Variants in NHEJ1 observed in about 807,000 individuals in gnomAD.
NHEJ1 encodes non-homologous end-joining factor 1.
Under a neutral mutation model 39.4 loss-of-function variants are expected in NHEJ1, and 22 were observed. That is an observed-to-expected ratio of 0.56 (90% CI 0.40 to 0.80). NHEJ1 has a LOEUF of 0.80. NHEJ1 is among the 30% of genes least tolerant of loss of function. The pLI, the probability that NHEJ1 is intolerant of heterozygous loss-of-function variation, is 0.00. For synonymous variants in NHEJ1, 154 were observed against 135.6 expected (o/e 1.14, Z -0.94); for missense variants, 329 against 357.1 (o/e 0.92, Z 0.63).
rs114020286 is a variant in NHEJ1, at chr2:219,147,581, G to T, written c.529+76C>A. The T allele has an allele frequency of 5.9e-5, 94 of 1,583,928 alleles. No individual in the cohort carries two copies. In the African/African-American group the frequency reaches 1.2e-3, roughly 20 times the overall value. ...GGGGAGGCACTTCTCTAATGCAAAT[G>T]AGTCTCCCTCTTTGCTAAGACCCTT... is the stretch of plus-strand genomic sequence containing the variant. On this transcript the variant is annotated intron_variant, in intron 4 of 7. Coordinates refer to ENST00000356853, the MANE Select transcript of NHEJ1 (RefSeq NM_024782.3).
chr2:219,151,199 T>A (rs1949792057), intron 3 of NHEJ1, among the ~76,000 whole-genome samples: 1 of 151,796 alleles, frequency 6.6e-6, no homozygotes, highest in Non-Finnish European at 1.5e-5. Flanking sequence ...CAAATACTTG[T>A]ATAAATGACA....
Position 219,071,956 on chromosome 2 carries a change from T to C in NHEJ1, c.*4425A>G, listed in dbSNP as rs1481063265. ...TTGGGTGCTACCTAATGACTTCCTA[T>C]GTGCTAGGATAGAGAACTGAGAGCC... On this transcript the variant is annotated 3_prime_UTR_variant, in exon 8 of 8. Coordinates refer to ENST00000356853, the MANE Select transcript of NHEJ1 (RefSeq NM_024782.3). Among the ~76,000 whole-genome samples the C allele has an allele frequency of 6.6e-6, 1 of 152,140 alleles. No individual in the cohort carries two copies. The highest frequency in any genetic ancestry group is 2.4e-5 in the African/African-American group (1 of 41,414).
intron 5 of NHEJ1, among the ~76,000 whole-genome samples, chr2:219,146,015 G>A (rs1451145235): frequency 6.6e-6 from 1 of 152,128 alleles, no homozygotes; most frequent in Admixed American, 6.5e-5. Context: ...ACAGAAGAGG[G>A]AGGGAAGGAG....
chr2:219,131,688 A>G lies in NHEJ1; in HGVS notation c.588+14992T>C, dbSNP rs76340778. The stretch of plus-strand genomic sequence containing the variant: ...CCTCTGTTAGTACATTTCCTCACAC[A>G]TCATTAATTAATTACATAAAAGTTT... On this transcript the variant is annotated intron_variant, in intron 5 of 7. Transcript: ENST00000356853. 3.3e-4 allele frequency among the ~76,000 whole-genome samples: 50 copies of G among 152,324 alleles called. No homozygotes were observed. In the East Asian group the frequency reaches 8.3e-3, roughly 25 times the overall value.
chr2:219,091,480 C>T (rs1949159480), intron 5 of NHEJ1, among the ~76,000 whole-genome samples: 2 of 152,024 alleles, frequency 1.3e-5, no homozygotes, highest in South Asian at 4.1e-4. Flanking sequence ...GCAAGAGTCT[C>T]CCTAAGTCCT....
intron 5 of NHEJ1, among the ~76,000 whole-genome samples, chr2:219,127,191 G>A (rs988166435): frequency 3.3e-5 from 5 of 152,140 alleles, no homozygotes; most frequent in Admixed American, 1.3e-4. Context: ...TTTACTGATT[G>A]TAGATCCCTG....
At chr2:219,131,914 A>G (rs924824976) in intron 5 of NHEJ1, among the ~76,000 whole-genome samples, 6 of 152,240 alleles carry the variant, frequency 3.9e-5, no homozygotes, top group Non-Finnish European at 8.8e-5. Context: ...AACAGGTGTA[A>G]CACGTGGCAA....
At chr2:219,129,668 T>C (rs1411642698) in intron 5 of NHEJ1, among the ~76,000 whole-genome samples, 1 of 152,146 alleles carries the variant, frequency 6.6e-6, no homozygotes, top group East Asian at 1.9e-4. Flanking sequence ...ATAAGCAAAA[T>C]AAAATTCATA....
At chr2:219,076,727 G>C (rs914822594) in intron 7 of NHEJ1, among the ~76,000 whole-genome samples, 1 of 152,058 alleles carries the variant, frequency 6.6e-6, no homozygotes, top group East Asian at 1.9e-4. Context: ...TTTTTGTAAA[G>C]ATAGGGTTTC....
At chr2:219,160,147 G>T (rs1344757260) in intron 1 of NHEJ1, among the ~76,000 whole-genome samples, 3 of 152,176 alleles carry the variant, frequency 2.0e-5, no homozygotes, top group African/African-American at 7.2e-5. Flanking sequence ...GTGGAGGGGC[G>T]CTGAGCGGCA....
At chr2:219,091,645 G>T (rs1949160565) in intron 5 of NHEJ1, among the ~76,000 whole-genome samples, 1 of 152,182 alleles carries the variant, frequency 6.6e-6, no homozygotes, top group Non-Finnish European at 1.5e-5. Context: ...AAGCTAGCCT[G>T]AGGTCTAGCA....
At chr2:219,137,585 A>AAC (rs1273204475) in intron 5 of NHEJ1, among the ~76,000 whole-genome samples, 14 of 140,068 alleles carry the variant, frequency 1.0e-4, no homozygotes, top group South Asian at 2.4e-4. Flanking sequence ...AAAAAAAAAA[A>AAC]AAAAAAACAA....
chr2:219,149,898 A>G (rs73991396), intron 3 of NHEJ1, among the ~76,000 whole-genome samples: 2,440 of 152,322 alleles, frequency 0.016, 69 homozygotes, highest in African/African-American at 0.055. Flanking sequence ...CTGTGTTCCA[A>G]CCGAGCTTTA....
chr2:219,088,874 G>A (rs34417458), intron 5 of NHEJ1, among the ~76,000 whole-genome samples: 30,754 of 152,048 alleles, frequency 0.2, 4,119 homozygotes, highest in East Asian at 0.55. Context: ...GTGCGGTGGC[G>A]TGATCTCAGC....
Position 219,074,190 on chromosome 2 carries a change from C to T in NHEJ1, c.*2191G>A, listed in dbSNP as rs1332611225. ...TGGAAGGTTACTAGCTATATTCTTA[C>T]TTAACCTTTTTAGAAAGTCACACAT... On this transcript the variant is annotated 3_prime_UTR_variant, in exon 8 of 8. Coordinates refer to ENST00000356853, the MANE Select transcript of NHEJ1 (RefSeq NM_024782.3). Among the ~76,000 whole-genome samples, 1 of 152,210 alleles carries T rather than the reference C, an allele frequency of 6.6e-6. No homozygotes were observed. The highest frequency in any genetic ancestry group is 1.5e-5 in the Non-Finnish European group (1 of 68,040).
At chr2:219,125,531 G>A (rs1949507525) in intron 5 of NHEJ1, 1 of 152,522 alleles carries the variant, frequency 6.6e-6, no homozygotes, top group Non-Finnish European at 1.5e-5. Context: ...ATCTTGTCTT[G>A]TGGTCCCTGC....
intron 3 of NHEJ1, 103 bp downstream of exon 3, chr2:219,157,369 G>C: frequency 1.0e-6 from 1 of 981,170 alleles, no homozygotes. Flanking sequence ...TCTGATTGGA[G>C]AAGAATTTCA....
rs1249024175 is a variant in NHEJ1 at position 219,074,630 on chromosome 2, T to C, written c.*1751A>G. On this transcript the variant is annotated 3_prime_UTR_variant, in exon 8 of 8. Transcript: ENST00000356853. ...TTGGTGGCAGGCATCTAATCCCAGC[T>C]ACTCGGGAGGCTGAGGCAGGAGAAT... Among the ~76,000 whole-genome samples the C allele has an allele frequency of 6.6e-6, 1 of 151,634 alleles. No homozygotes were observed. The highest frequency in any genetic ancestry group is 2.4e-5 in the African/African-American group (1 of 41,210).
Position 219,099,061 on chromosome 2 carries a change from A to C in NHEJ1, c.589-20855T>G, listed in dbSNP as rs548606811. Among the ~76,000 whole-genome samples the C allele has an allele frequency of 5.3e-5, 8 of 152,278 alleles. No individual in the cohort carries two copies. In the South Asian group the frequency reaches 1.2e-3, roughly 24 times the overall value. Reference sequence around the variant, plus strand: ...TGGGCTGGAGCTCTCTGTAGGATTAAAGGAATGTTGAGTCAAGGTAGAGGA... The same window carrying C: ...TGGGCTGGAGCTCTCTGTAGGATTACAGGAATGTTGAGTCAAGGTAGAGGA... On this transcript the variant is annotated intron_variant, in intron 5 of 7. Transcript: ENST00000356853.
Sources: gnomAD v4.1 joint callset for allele counts (sites outside exome capture counted in the v4.1 genomes callset) on GRCh38, gnomAD v4.1.1 for gene constraint, MANE v1.5 for transcripts, NCBI Gene and HGNC (gene_info 2026-07-23, HGNC 2026-07-21) for gene names.